TENM3: variants seen among roughly 807,000 people sequenced by gnomAD.
TENM3 encodes teneurin-3.
A neutral mutation model predicts 255.1 loss-of-function variants in TENM3; 63 were observed. That is an observed-to-expected ratio of 0.25 (90% CI 0.20 to 0.30). The LOEUF is 0.30. TENM3 is among the 10% of genes least tolerant of loss of function. TENM3 has a pLI of 1.00. For synonymous variants in TENM3, 1,306 were observed against 1,322.3 expected (o/e 0.99, Z 0.27); for missense variants, 2,929 against 3,461.1 (o/e 0.85, Z 3.86).
chr4:182,344,494 A>C (rs986201995), intron 2 of TENM3, among the ~76,000 whole-genome samples: 3 of 152,114 alleles, frequency 2.0e-5, no homozygotes, highest in Admixed American at 2.0e-4. Context: ...CTGTGTTTAC[A>C]TACCTGGGTA....
chr4:182,144,520 C>G (rs1366067114), upstream of TENM3: 1 of 149,962 alleles, frequency 6.7e-6, no homozygotes, highest in Non-Finnish European at 1.5e-5. Flanking sequence ...CGGGCGCCCT[C>G]CCCTCCCGCG....
At chr4:181,858,907 G>C in the TENM3 span, among the ~76,000 whole-genome samples, 6 of 152,238 alleles carry the variant, frequency 3.9e-5, no homozygotes, top group South Asian at 1.2e-3. Flanking sequence ...GGCAGCTCTT[G>C]AAGGGTTTGG....
At chr4:182,127,405 A>G in the TENM3 span, among the ~76,000 whole-genome samples, 1 of 152,320 alleles carries the variant, frequency 6.6e-6, no homozygotes, top group Middle Eastern at 3.4e-3. Flanking sequence ...ATTAATATTT[A>G]TAAATATTTG....
At chr4:181,808,205 C>T in the TENM3 span, among the ~76,000 whole-genome samples, 2 of 152,142 alleles carry the variant, frequency 1.3e-5, no homozygotes, top group Admixed American at 6.5e-5. Flanking sequence ...GATGTCATGC[C>T]ACCTACATTG....
chr4:181,973,655 G>A, the TENM3 span, among the ~76,000 whole-genome samples: 2 of 152,208 alleles, frequency 1.3e-5, no homozygotes, highest in Non-Finnish European at 2.9e-5. Context: ...AAGCTACTCA[G>A]GAAGCTGAGG....
At chr4:181,938,649 G>C in the TENM3 span, among the ~76,000 whole-genome samples, 1 of 152,110 alleles carries the variant, frequency 6.6e-6, no homozygotes, top group African/African-American at 2.4e-5. Context: ...CTCTTCCTCA[G>C]TCTATTTAGG....
intron 7 of TENM3, among the ~76,000 whole-genome samples, chr4:182,675,130 C>A (rs1689470212): frequency 6.6e-6 from 1 of 152,120 alleles, no homozygotes; most frequent in African/African-American, 2.4e-5. Context: ...CCCTCCTCGG[C>A]CTCCCAAAGT....
intron 24 of TENM3, among the ~76,000 whole-genome samples, chr4:182,788,510 T>C (rs1765857957): frequency 1.3e-5 from 2 of 152,222 alleles, no homozygotes; most frequent in African/African-American, 4.8e-5. Context: ...TCCCTGCCAG[T>C]TAACCAGATC....
chr4:181,515,717 G>T, the TENM3 span, among the ~76,000 whole-genome samples: 1 of 152,016 alleles, frequency 6.6e-6, no homozygotes, highest in Non-Finnish European at 1.5e-5. Flanking sequence ...TTATAACTCA[G>T]TGGTTTTGCT....
intron 7 of TENM3, among the ~76,000 whole-genome samples, chr4:182,678,159 A>G (rs1324271009): frequency 6.6e-6 from 1 of 152,158 alleles, no homozygotes; most frequent in Non-Finnish European, 1.5e-5. Flanking sequence ...TTGTAATCTA[A>G]AAAACTCCTT....
At chr4:182,628,119 T>A (rs945289454) in intron 4 of TENM3, among the ~76,000 whole-genome samples, 1 of 152,178 alleles carries the variant, frequency 6.6e-6, no homozygotes, top group African/African-American at 2.4e-5. Flanking sequence ...ATAGTACTTA[T>A]TAGCAGAGAA....
chr4:182,773,661 C>G lies in TENM3; in HGVS notation c.5068+14C>G. On this transcript the variant is annotated intron_variant, in intron 23 of 27. Coordinates refer to ENST00000511685, the MANE Select transcript of TENM3 (RefSeq NM_001080477.4). ...CCATGGTTCAAGGTAAACACGAAAG[C>G]ATCATTTTAAACAAGTACCACCAGC... 1 of 1,603,228 alleles carries G rather than the reference C, an allele frequency of 6.2e-7. No homozygotes were observed. Among genetic ancestry groups the G allele is most frequent in the Non-Finnish European group, 8.5e-7 (1 of 1,172,962 alleles).
At chr4:182,621,180 A>G (rs1388309240) in intron 4 of TENM3, among the ~76,000 whole-genome samples, 2 of 61,828 alleles carry the variant, frequency 3.2e-5, no homozygotes, top group African/African-American at 9.7e-5. Context: ...GACTCCGTCT[A>G]AAAAAAAAAA....
chr4:182,100,438 T>TAAAA, the TENM3 span, among the ~76,000 whole-genome samples: 372 of 65,742 alleles, frequency 5.7e-3, 11 homozygotes, highest in African/African-American at 0.015. Context: ...TCCGTCTCCG[T>TAAAA]AAAAAAAAAA....
At chr4:182,023,268 A>G in the TENM3 span, among the ~76,000 whole-genome samples, 1 of 152,200 alleles carries the variant, frequency 6.6e-6, no homozygotes, top group Non-Finnish European at 1.5e-5. Flanking sequence ...GGCATGTAAA[A>G]ATACTTAACA....
intron 5 of TENM3, among the ~76,000 whole-genome samples, chr4:182,653,324 TG>T (rs1168110042): frequency 2.6e-5 from 4 of 152,214 alleles, no homozygotes; most frequent in Non-Finnish European, 5.9e-5. Context: ...GACAAGTTTT[TG>T]GGTTTACCTT....
chr4:182,468,620 G>A (rs180686940), intron 3 of TENM3, among the ~76,000 whole-genome samples: 7 of 152,246 alleles, frequency 4.6e-5, no homozygotes, highest in Admixed American at 3.3e-4. Context: ...ACCTGGAAAT[G>A]TTCCTGATGA....
chr4:182,137,597 G>A, the TENM3 span, among the ~76,000 whole-genome samples: 2 of 152,130 alleles, frequency 1.3e-5, no homozygotes, highest in East Asian at 3.8e-4. Context: ...TGACACAGTC[G>A]GAGCAGTATT....
chr4:181,514,798 C>A, the TENM3 span, among the ~76,000 whole-genome samples: 1 of 152,160 alleles, frequency 6.6e-6, no homozygotes, highest in Non-Finnish European at 1.5e-5. Flanking sequence ...TTTATTATTG[C>A]AAAACCTGAG....
Sources: gnomAD v4.1 joint callset for allele counts (sites outside exome capture counted in the v4.1 genomes callset) on GRCh38, gnomAD v4.1.1 for gene constraint, MANE v1.5 for transcripts, NCBI Gene and HGNC (gene_info 2026-07-23, HGNC 2026-07-21) for gene names.